The following NGLY1 variants were observed in gnomAD, a reference collection of about 807,000 sequenced individuals.
The protein encoded by NGLY1 is peptide-N(4)-(N-acetyl-beta-glucosaminyl)asparagine amidase.
NGLY1 carries 68 observed loss-of-function variants against 84.6 expected under a neutral mutation model. The ratio of observed to expected loss-of-function variants is 0.80; its 90% confidence interval spans 0.66 to 0.98. NGLY1 has a LOEUF of 0.98. Among genes scored for constraint, NGLY1 ranks in the 50% least tolerant of loss-of-function variants. NGLY1 has a pLI of 0.00. For synonymous variants in NGLY1, 280 were observed against 275.2 expected (o/e 1.02, Z -0.17); for missense variants, 779 against 770.2 (o/e 1.01, Z -0.14).
rs141726835 is a variant in NGLY1, at chr3:25,738,235, TAATTC to T, written c.882-785_882-781del. Among the ~76,000 whole-genome samples the T allele has an allele frequency of 7.8e-3, 1,184 of 152,354 alleles. 15 individuals carry two copies. The highest frequency in any genetic ancestry group is 0.028 in the African/African-American group (1,149 of 41,582). On this transcript the variant is annotated intron_variant, in intron 5 of 11. Transcript: ENST00000280700. ...ACTCAACAAAAATTTTAGCTTAGTT[TAATTC>T]AATTTTATCTAAAATATTATCTTTC... is the stretch of plus-strand genomic sequence containing the variant.
intron 4 of NGLY1, among the ~76,000 whole-genome samples, chr3:25,748,871 C>T (rs944998195): frequency 6.6e-6 from 1 of 151,420 alleles, no homozygotes; most frequent in African/African-American, 2.4e-5. Context: ...ATACACATAC[C>T]AATGATTAAA....
In NGLY1 at chr3:25,737,314, G is replaced by A. The variant is rs963755537; in HGVS notation, c.1003+20C>T. On this transcript the variant is annotated intron_variant, in intron 6 of 11. Transcript: ENST00000280700. ...AGCCTGCAAAGCCCTACTACCCTCTGCTCATTCCACATTCTGTACCTGTGT... is the reference window on the plus strand; with the variant it reads ...AGCCTGCAAAGCCCTACTACCCTCTACTCATTCCACATTCTGTACCTGTGT... The A allele has an allele frequency of 1.3e-6, 2 of 1,592,504 alleles. No individual in the cohort carries two copies. The highest frequency in any genetic ancestry group is 1.7e-6 in the Non-Finnish European group (2 of 1,170,284).
At chr3:25,759,117 T>C (rs771223101) in intron 3 of NGLY1, among the ~76,000 whole-genome samples, 3 of 152,086 alleles carry the variant, frequency 2.0e-5, no homozygotes, top group Admixed American at 1.3e-4. Context: ...GCACTGTCCA[T>C]GTGAGATTCC....
chr3:25,789,827 A>C, intron 1 of NGLY1: 1 of 1,551,452 alleles, frequency 6.4e-7, no homozygotes, highest in Middle Eastern at 1.7e-4. Flanking sequence ...TCACTGCCAA[A>C]GAAAAATGCC....
intron 3 of NGLY1, among the ~76,000 whole-genome samples, chr3:25,762,991 G>A (rs1707387816): frequency 6.6e-6 from 1 of 151,968 alleles, no homozygotes; most frequent in Admixed American, 6.6e-5. Context: ...CAGGAGAGAT[G>A]GTGCATGCCT....
chr3:25,787,998 AG>A (rs1449418116), upstream of NGLY1, among the ~76,000 whole-genome samples: 3 of 152,202 alleles, frequency 2.0e-5, no homozygotes, highest in Non-Finnish European at 4.4e-5. Flanking sequence ...TGACTTTACG[AG>A]GTAGCACAGA....
rs960429203 is a variant in NGLY1, at chr3:25,719,404, C to T, written c.*56G>A. 2.3e-5 allele frequency: 35 copies of T among 1,505,006 alleles called. No homozygotes were observed. The African/African-American group carries it at 4.4e-4, about 19-fold the overall frequency. 93.2% of individuals were successfully genotyped at this position (1,505,006 alleles called of 1,614,324 possible). On this transcript the variant is annotated 3_prime_UTR_variant, in exon 12 of 12. Transcript: ENST00000280700. Reference sequence around the variant, plus strand: ...GCCAACTAAGCATGCACTGAACCAACAGACTACTTCAGTAAGTCCTTGATT... The same window carrying T: ...GCCAACTAAGCATGCACTGAACCAATAGACTACTTCAGTAAGTCCTTGATT...
intron 4 of NGLY1, among the ~76,000 whole-genome samples, chr3:25,750,411 T>C (rs529797613): frequency 6.6e-6 from 1 of 152,222 alleles, no homozygotes; most frequent in East Asian, 1.9e-4. Context: ...AAAAGACAAA[T>C]ACTGTATGAT....
Position 25,732,471 on chromosome 3 carries a change from A to G in NGLY1, c.1273T>C (p.Leu425=). 1 of 1,612,944 alleles carries G rather than the reference A, an allele frequency of 6.2e-7. No individual in the cohort carries two copies. Among genetic ancestry groups the G allele is most frequent in the South Asian group, 1.1e-5 (1 of 90,936 alleles). ...NGLNKQRQLF[L]SENRRKELLQ... Reference sequence around the variant, plus strand: ...AGTTCTTTCCTTCTGTTTTCTGACAAAAACAGTTGCCTCTGTAATTCATGT... The same window carrying G: ...AGTTCTTTCCTTCTGTTTTCTGACAGAAACAGTTGCCTCTGTAATTCATGT... The change falls in exon 9 of 12, where the codon TTG becomes CTG. Residue 425 remains leucine, a synonymous_variant. Transcript: ENST00000280700.
intron 1 of NGLY1, among the ~76,000 whole-genome samples, chr3:25,781,375 AG>A (rs1440440750): frequency 1.3e-5 from 2 of 152,162 alleles, no homozygotes; most frequent in Non-Finnish European, 2.9e-5. Context: ...TTTCTTATTA[AG>A]TATGTTGAGT....
At chr3:25,789,804 T>C in intron 1 of NGLY1, 1 of 1,534,216 alleles carries the variant, frequency 6.5e-7, no homozygotes, top group Admixed American at 2.0e-5. Flanking sequence ...CAAAAGGGAA[T>C]ATTTGGGCAT....
intron 1 of NGLY1, among the ~76,000 whole-genome samples, chr3:25,788,781 T>C (rs1708658047): frequency 6.6e-6 from 1 of 152,268 alleles, no homozygotes; most frequent in Non-Finnish European, 1.5e-5. Context: ...AACTCTACTT[T>C]GTCACTGAAT....
At chr3:25,719,882 AT>A (rs5847370) in intron 11 of NGLY1, 131 bp downstream of exon 11, 3,456 of 592,678 alleles carry the variant, frequency 5.8e-3, no homozygotes, top group South Asian at 0.013. Context: ...GGTTTATTAA[AT>A]TTTTTTTTTT....
At chr3:25,737,096 G>A in intron 6 of NGLY1, 1 of 354,708 alleles carries the variant, frequency 2.8e-6, no homozygotes. Flanking sequence ...AAAATAAAGG[G>A]GAAAAAAAGG....
intron 5 of NGLY1, among the ~76,000 whole-genome samples, chr3:25,738,837 C>T (rs369525693): frequency 1.1e-4 from 17 of 152,124 alleles, no homozygotes; most frequent in East Asian, 3.9e-4. Flanking sequence ...ATTTTTAAAA[C>T]GTGGTATCTT....
chr3:25,755,412 A>C (rs1706990489), intron 3 of NGLY1: 8 of 1,445,596 alleles, frequency 5.5e-6, no homozygotes, highest in South Asian at 2.3e-5. Context: ...GTGACCCCAC[A>C]AACAGTGTCT....
At chr3:25,720,884 A>G (rs1704952314) in intron 10 of NGLY1, among the ~76,000 whole-genome samples, 1 of 152,196 alleles carries the variant, frequency 6.6e-6, no homozygotes, top group African/African-American at 2.4e-5. Context: ...CTATTCAACC[A>G]TGCTCAAACT....
intron 3 of NGLY1, among the ~76,000 whole-genome samples, chr3:25,754,472 T>C (rs1435864546): frequency 2.0e-5 from 3 of 152,188 alleles, no homozygotes; most frequent in African/African-American, 7.2e-5. Flanking sequence ...AAGATCTTTC[T>C]GGTCGCTTTT....
In NGLY1 at chr3:25,719,020, TTA is replaced by T. The variant is rs1175949181; in HGVS notation, c.*438_*439del. ...TATAAATTTTCATGCATTATATAAT[TTA>T]TGAGCTACTGTACTTTCACATTAAT... is the stretch of plus-strand genomic sequence containing the variant. On this transcript the variant is annotated 3_prime_UTR_variant, in exon 12 of 12. Transcript: ENST00000280700. 6.6e-6 allele frequency: 1 copy of T among 152,416 alleles called. No homozygotes were observed. Among genetic ancestry groups the T allele is most frequent in the African/African-American group, 2.4e-5 (1 of 41,476 alleles). The allele number at this position is 152,416 out of a possible 1,614,324, so 9.4% of individuals were successfully genotyped here. A position where few individuals can be genotyped will look rare whatever the true frequency, so the allele number is the denominator to read the frequency against.
Sources: gnomAD v4.1 joint callset for allele counts (sites outside exome capture counted in the v4.1 genomes callset) on GRCh38, gnomAD v4.1.1 for gene constraint, MANE v1.5 for transcripts, NCBI Gene and HGNC (gene_info 2026-07-23, HGNC 2026-07-21) for gene names.